Variants in PSMG2 observed in about 807,000 individuals in gnomAD.
PSMG2 encodes proteasome assembly chaperone 2.
In PSMG2, 21 loss-of-function variants were observed where a neutral mutation model predicts 31.5. That is an observed-to-expected ratio of 0.67 (90% CI 0.47 to 0.96). PSMG2 has a LOEUF of 0.96. Ranked by LOEUF, PSMG2 falls within the 40% of genes least tolerant of loss-of-function variation. The pLI is 0.00. For missense variants in PSMG2, 318 were observed against 321.2 expected, an observed-to-expected ratio of 0.99 and a Z score of 0.08; for synonymous variants, 120 against 110.4, an observed-to-expected ratio of 1.09 and a Z score of -0.54.
chr18:12,719,815 C>G (rs979700777), intron 4 of PSMG2, among the ~76,000 whole-genome samples: 1 of 145,654 alleles, frequency 6.9e-6, no homozygotes, highest in Non-Finnish European at 1.5e-5. Context: ...CCTCTGCCTC[C>G]TGGGTTCAAG....
chr18:12,669,240 G>A (rs1185922568), intron 1 of PSMG2, among the ~76,000 whole-genome samples: 3 of 151,692 alleles, frequency 2.0e-5, no homozygotes, highest in Non-Finnish European at 4.4e-5. Context: ...AGCCTCCCGA[G>A]TAGCTGGGAA....
intron 1 of PSMG2, among the ~76,000 whole-genome samples, chr18:12,662,823 T>G (rs2038723680): frequency 6.6e-6 from 1 of 152,138 alleles, no homozygotes; most frequent in Admixed American, 6.6e-5. Context: ...AGGATTGAGA[T>G]AAAATGTGTG....
chr18:12,724,330 C>A, intron 5 of PSMG2, 169 bp from the exon 6 acceptor site: 2 of 624,532 alleles, frequency 3.2e-6, no homozygotes, highest in Non-Finnish European at 5.1e-6. Flanking sequence ...CCTGCTCTCA[C>A]AAGTAGAAAA....
chr18:12,675,135 G>A (rs977948213), intron 1 of PSMG2, among the ~76,000 whole-genome samples: 13 of 152,124 alleles, frequency 8.5e-5, no homozygotes, highest in Non-Finnish European at 1.9e-4. Flanking sequence ...GGTGGCTCAC[G>A]CCTGTAATCC....
intron 1 of PSMG2, among the ~76,000 whole-genome samples, chr18:12,706,008 T>C (rs2040264935): frequency 6.6e-6 from 1 of 152,228 alleles, no homozygotes; most frequent in Non-Finnish European, 1.5e-5. Flanking sequence ...GCATTCCCAG[T>C]GCCTAGAGCA....
At chr18:12,666,634 G>A (rs2038809726) in intron 1 of PSMG2, among the ~76,000 whole-genome samples, 1 of 151,150 alleles carries the variant, frequency 6.6e-6, no homozygotes, top group Non-Finnish European at 1.5e-5. Flanking sequence ...ATTTTTGGTA[G>A]AGACAGGGTT....
intron 1 of PSMG2, among the ~76,000 whole-genome samples, chr18:12,696,922 T>C (rs1568031440): frequency 6.6e-6 from 1 of 151,930 alleles, no homozygotes; most frequent in Non-Finnish European, 1.5e-5. Flanking sequence ...ATTAATTTTC[T>C]TTATAGCCTT....
chr18:12,675,240 C>T (rs1037198763), intron 1 of PSMG2, among the ~76,000 whole-genome samples: 9 of 151,898 alleles, frequency 5.9e-5, no homozygotes, highest in Non-Finnish European at 8.8e-5. Context: ...ACTAAAAATA[C>T]AAAAAATGAG....
At chr18:12,659,357 C>T (rs2038647596) in intron 1 of PSMG2, among the ~76,000 whole-genome samples, 3 of 151,908 alleles carry the variant, frequency 2.0e-5, no homozygotes, top group South Asian at 2.1e-4. Flanking sequence ...AGCAACAGGA[C>T]GAAAAGGAAA....
intron 1 of PSMG2, among the ~76,000 whole-genome samples, chr18:12,663,001 A>G (rs1381519380): frequency 1.3e-5 from 2 of 152,186 alleles, no homozygotes; most frequent in East Asian, 1.9e-4. Context: ...AGCTTCAACT[A>G]GTTAAGAAGA....
chr18:12,660,611 GT>G (rs1248047707), intron 1 of PSMG2, among the ~76,000 whole-genome samples: 1 of 152,086 alleles, frequency 6.6e-6, no homozygotes, highest in African/African-American at 2.4e-5. Flanking sequence ...GTGAGCCACT[GT>G]GCCCGGCCAA....
intron 4 of PSMG2, 71 bp from the exon 5 acceptor site, chr18:12,720,439 A>G (rs922665135): frequency 7.7e-7 from 1 of 1,291,620 alleles, no homozygotes; most frequent in Non-Finnish European, 1.0e-6. Flanking sequence ...ATGGAGACCA[A>G]GAGAATTTTA....
At chr18:12,661,752 G>A (rs970050698) in intron 1 of PSMG2, 2 of 153,896 alleles carry the variant, frequency 1.3e-5, no homozygotes, top group African/African-American at 4.8e-5. Context: ...TCCAGCCAGG[G>A]TGACAGAGTG....
At chr18:12,718,170 C>T (rs1338975443) in intron 3 of PSMG2, among the ~76,000 whole-genome samples, 2 of 151,636 alleles carry the variant, frequency 1.3e-5, no homozygotes, top group Non-Finnish European at 2.9e-5. Flanking sequence ...CACCATGCCC[C>T]GCTGATTTTT....
upstream of PSMG2, among the ~76,000 whole-genome samples, chr18:12,698,326 C>G (rs976160177): frequency 1.3e-5 from 2 of 151,898 alleles, no homozygotes; most frequent in Non-Finnish European, 2.9e-5. Flanking sequence ...GCCACCATGC[C>G]CGGCTAGAAA....
intron 1 of PSMG2, among the ~76,000 whole-genome samples, chr18:12,693,017 T>C (rs997677372): frequency 1.3e-5 from 2 of 152,162 alleles, no homozygotes; most frequent in Non-Finnish European, 2.9e-5. Context: ...AGAGATGAAG[T>C]CTACCTATGT....
At chr18:12,694,768 C>T (rs2039889691) in intron 1 of PSMG2, among the ~76,000 whole-genome samples, 1 of 150,742 alleles carries the variant, frequency 6.6e-6, no homozygotes. Flanking sequence ...CTGGAGTGCA[C>T]TGGTGCGATC....
chr18:12,684,897 TAATTA>T (rs753952145), intron 1 of PSMG2: 9 of 152,212 alleles, frequency 5.9e-5, no homozygotes, highest in Admixed American at 3.3e-4. Context: ...TCAAAAAGTG[TAATTA>T]AATATACATT....
chr18:12,672,660 T>A (rs1313954973), intron 1 of PSMG2: 1 of 981,732 alleles, frequency 1.0e-6, no homozygotes, highest in African/African-American at 1.8e-5. Context: ...TTTATCAGTA[T>A]CATAACAAAG....
Sources: allele counts gnomAD v4.1 joint callset (sites outside exome capture counted in the v4.1 genomes callset), GRCh38; gene constraint gnomAD v4.1.1; transcripts MANE v1.5; gene names NCBI Gene and HGNC (gene_info 2026-07-23, HGNC 2026-07-21).